KCNJ1: variants seen among roughly 807,000 people sequenced by gnomAD.
KCNJ1 encodes the protein ATP-sensitive inward rectifier potassium channel 1.
A neutral mutation model predicts 21.9 loss-of-function variants in KCNJ1; 24 were observed. The ratio of observed to expected loss-of-function variants is 1.10; its 90% CI spans 0.79 to 1.54. The LOEUF is 1.54. Ranked by LOEUF, KCNJ1 falls within the 40% of genes most tolerant of loss-of-function variation. The pLI is 0.00. For synonymous variants in KCNJ1, 152 were observed against 160.9 expected (o/e 0.94, Z 0.42); for missense variants, 457 against 455.4 (o/e 1.00, Z -0.03).
chr11:128,863,111 C>T (rs1269629875), intron 1 of KCNJ1, among the ~76,000 whole-genome samples: 2 of 152,212 alleles, frequency 1.3e-5, no homozygotes, highest in Non-Finnish European at 2.9e-5. Flanking sequence ...CCTGAGAGAA[C>T]TTGGGCTGTT....
intron 2 of KCNJ1, among the ~76,000 whole-genome samples, chr11:128,847,449 A>G (rs926578878): frequency 4.6e-5 from 7 of 152,238 alleles, no homozygotes; most frequent in African/African-American, 1.4e-4. Context: ...CAAGTCTTAC[A>G]TGCCTATGTG....
chr11:128,859,429 T>C (rs1010508906), intron 1 of KCNJ1, among the ~76,000 whole-genome samples: 4 of 152,108 alleles, frequency 2.6e-5, no homozygotes, highest in Non-Finnish European at 5.9e-5. Context: ...GTGTATTGAT[T>C]GTAGAGATGA....
At position 128,838,157 on chromosome 11, in the gene KCNJ1, A is replaced by C. The variant is rs565893144; in HGVS notation, c.*968T>G. Reference sequence around the variant, plus strand: ...ATCTGAAGAAGACTTTCACAGTAAAACTTTCCCCTCAAGGTCGAGCCTTCC... The same window carrying C: ...ATCTGAAGAAGACTTTCACAGTAAACCTTTCCCCTCAAGGTCGAGCCTTCC... On this transcript the variant is annotated 3_prime_UTR_variant, in exon 3 of 3. Coordinates refer to ENST00000392666, the MANE Select transcript of KCNJ1 (RefSeq NM_153766.3). The C allele has an allele frequency of 6.6e-6, 1 of 152,600 alleles. No homozygotes were observed. The highest frequency in any genetic ancestry group is 1.5e-5 in the Non-Finnish European group (1 of 68,026). 9.5% of individuals were successfully genotyped at this position (152,600 alleles called of 1,614,324 possible).
intron 2 of KCNJ1, among the ~76,000 whole-genome samples, chr11:128,842,890 G>A (rs758935271): frequency 1.3e-4 from 20 of 152,118 alleles, no homozygotes; most frequent in Non-Finnish European, 4.4e-5. Context: ...AAAGATGCAG[G>A]TGAACATACA....
At position 128,850,895 on chromosome 11, in the gene KCNJ1, T is replaced by TA; in HGVS notation, c.-191-6dup. Reference sequence around the variant, plus strand: ...AAGGCACAGTAGAGAAGAAACCTGGTAAAATACAACACATATGGCTACTGT... The same window carrying TA: ...AAGGCACAGTAGAGAAGAAACCTGGTAAAAATACAACACATATGGCTACTGT... On this transcript the variant is annotated splice_polypyrimidine_tract_variant and splice_region_variant and intron_variant, in intron 1 of 2. Coordinates refer to ENST00000392666, the MANE Select transcript of KCNJ1 (RefSeq NM_153766.3). The TA allele has an allele frequency of 1.0e-6, 1 of 985,060 alleles. No homozygotes were observed. Among genetic ancestry groups the TA allele is most frequent in the Non-Finnish European group, 1.2e-6 (1 of 829,614 alleles). The allele number at this position is 985,060 out of a possible 1,614,324, so 61.0% of individuals were successfully genotyped here.
intron 1 of KCNJ1, among the ~76,000 whole-genome samples, chr11:128,860,594 A>G (rs577620400): frequency 1.6e-4 from 25 of 152,376 alleles, no homozygotes; most frequent in African/African-American, 3.1e-4. Flanking sequence ...AAATTAGCCC[A>G]CTGCCACCTC....
intron 1 of KCNJ1, chr11:128,866,622 T>C (rs1342412867): frequency 1.6e-6 from 1 of 627,698 alleles, no homozygotes; most frequent in African/African-American, 2.0e-5. Flanking sequence ...TCCAAATGTA[T>C]CCATTCAGAA....
intron 1 of KCNJ1, 111 bp downstream of exon 1, chr11:128,867,062 G>A (rs1011920162): frequency 6.6e-6 from 1 of 152,164 alleles, no homozygotes; most frequent in Non-Finnish European, 1.5e-5. Flanking sequence ...TATCCCCCAG[G>A]AGTGGACAGA....
intron 1 of KCNJ1, among the ~76,000 whole-genome samples, chr11:128,859,957 G>A (rs2846681): frequency 1.3e-5 from 2 of 150,980 alleles, no homozygotes; most frequent in Non-Finnish European, 2.9e-5. Context: ...CAAAGCGCAG[G>A]CGGGAGAGGA....
In KCNJ1 at chr11:128,838,953, T is replaced by G; in HGVS notation, c.*172A>C. 1 of 637,328 alleles carries G rather than the reference T, an allele frequency of 1.6e-6. No individual in the cohort carries two copies. Among genetic ancestry groups the G allele is most frequent in the Non-Finnish European group, 2.8e-6 (1 of 360,400 alleles). 39.5% of individuals were successfully genotyped at this position (637,328 alleles called of 1,614,324 possible). A position where few individuals can be genotyped will look rare whatever the true frequency, so the allele number is the denominator to read the frequency against. On this transcript the variant is annotated 3_prime_UTR_variant, in exon 3 of 3. Coordinates refer to ENST00000392666, the MANE Select transcript of KCNJ1 (RefSeq NM_153766.3). ...TGCACGTTCTAATACAGTAGCCTTG[T>G]GGAGATGCATGTCTTGTGGGATCAC... is the stretch of plus-strand genomic sequence containing the variant.
At chr11:128,850,532 A>G (rs968903081) in intron 2 of KCNJ1, among the ~76,000 whole-genome samples, 189 bp downstream of exon 2, 3 of 152,222 alleles carry the variant, frequency 2.0e-5, no homozygotes, top group Non-Finnish European at 4.4e-5. Flanking sequence ...GGGGCTGTGG[A>G]GAGAGCAATG....
intron 1 of KCNJ1, among the ~76,000 whole-genome samples, chr11:128,860,977 T>G (rs1345724240): frequency 6.6e-6 from 1 of 152,190 alleles, no homozygotes; most frequent in Non-Finnish European, 1.5e-5. Flanking sequence ...TTTTGTGAAC[T>G]CCAGGGCAGG....
intron 2 of KCNJ1, among the ~76,000 whole-genome samples, chr11:128,845,999 T>C (rs1037912291): frequency 2.6e-4 from 40 of 152,314 alleles, no homozygotes; most frequent in African/African-American, 9.4e-4. Context: ...CTGTGTTCTG[T>C]AGGCGTCTCT....
intron 2 of KCNJ1, among the ~76,000 whole-genome samples, chr11:128,849,546 C>T (rs1278502953): frequency 6.6e-6 from 1 of 152,082 alleles, no homozygotes; most frequent in African/African-American, 2.4e-5. Flanking sequence ...CAGCAGGTAC[C>T]CTGGGTTGGA....
At chr11:128,866,510 A>AG in intron 1 of KCNJ1, 1 of 959,968 alleles carries the variant, frequency 1.0e-6, no homozygotes, top group Non-Finnish European at 1.2e-6. Flanking sequence ...TATTGGGAGA[A>AG]GGGGCTCCAT....
chr11:128,844,090 C>A (rs1048973899), intron 2 of KCNJ1, among the ~76,000 whole-genome samples: 1 of 152,204 alleles, frequency 6.6e-6, no homozygotes, highest in Non-Finnish European at 1.5e-5. Context: ...ATGATAAATA[C>A]ATTAATCAAT....
In KCNJ1 at chr11:128,839,257, C is replaced by T; in HGVS notation, c.987G>A (p.Val329=). 1 of 1,614,166 alleles carries T rather than the reference C, an allele frequency of 6.2e-7. No individual in the cohort carries two copies. The highest frequency in any genetic ancestry group is 8.5e-7 in the Non-Finnish European group (1 of 1,180,026). Residue 329 remains valine, a synonymous_variant, in exon 3 of 3, where the codon GTG becomes GTA. Coordinates refer to ENST00000392666, the MANE Select transcript of KCNJ1 (RefSeq NM_153766.3). ...TGGCACAGTGAGGGGTCTCCACTTC[C>T]ACTGTCTTGCTAAAGTTATGGAAAT... The part of the protein sequence containing the change: ...RVDFHNFSKT[V]EVETPHCAMC...
Position 128,850,890 on chromosome 11 carries a change from C to T in KCNJ1, c.-191G>A. ...GGATGAAGGCACAGTAGAGAAGAAA[C>T]CTGGTAAAATACAACACATATGGCT... On this transcript the variant is annotated splice_region_variant and 5_prime_UTR_variant, in exon 2 of 3. Transcript: ENST00000392666. 2.0e-6 allele frequency: 2 copies of T among 985,286 alleles called. No homozygotes were observed. Among genetic ancestry groups the T allele is most frequent in the Non-Finnish European group, 2.4e-6 (2 of 829,818 alleles). The allele number at this position is 985,286 out of a possible 1,614,324, so 61.0% of individuals were successfully genotyped here.
At chr11:128,846,499 C>T (rs566163401) in intron 2 of KCNJ1, among the ~76,000 whole-genome samples, 1 of 152,210 alleles carries the variant, frequency 6.6e-6, no homozygotes, top group South Asian at 2.1e-4. Context: ...AAAAGGCTTC[C>T]GTGAGAGTGA....
Sources: gnomAD v4.1 joint callset for allele counts (sites outside exome capture counted in the v4.1 genomes callset) on GRCh38, gnomAD v4.1.1 for gene constraint, MANE v1.5 for transcripts, NCBI Gene and HGNC (gene_info 2026-07-23, HGNC 2026-07-21) for gene names.